Variants in RIC1 observed in about 807,000 individuals in gnomAD.
RIC1 encodes the protein guanine nucleotide exchange factor subunit RIC1.
In RIC1, 88 loss-of-function variants were observed where a neutral mutation model predicts 169.0. The ratio of observed to expected loss-of-function variants is 0.52; its 90% CI spans 0.44 to 0.62. The LOEUF (loss-of-function observed/expected upper bound fraction) is 0.62. RIC1 is among the 20% of genes least tolerant of loss of function. RIC1 has a pLI of 0.00. For synonymous variants in RIC1, 790 were observed against 601.5 expected (o/e 1.31, Z -4.59); for missense variants, 1,877 against 1,725.5 (o/e 1.09, Z -1.56).
chr9:5,742,963 A>G lies in RIC1; in HGVS notation c.996A>G (p.Leu332=). ...CCTGGGAATACGGAGGCCTTTCTTT[A>G]TGGAGTGTTTTTGGAGCACAGCTGA... ...IVTWEYGGLS[L]WSVFGAQLIC... is the part of the protein sequence containing the mutation. Residue 332 remains leucine (L), a synonymous_variant, in exon 9 of 26, where the codon TTA becomes TTG. Coordinates refer to ENST00000414202, the MANE Select transcript of RIC1 (RefSeq NM_020829.4). 1.2e-5 allele frequency: 19 copies of G among 1,613,510 alleles called. No homozygotes were observed. Among genetic ancestry groups the G allele is most frequent in the Non-Finnish European group, 1.4e-5 (16 of 1,179,652 alleles).
At chr9:5,664,887 A>G (rs1819659586) in intron 2 of RIC1, among the ~76,000 whole-genome samples, 1 of 152,066 alleles carries the variant, frequency 6.6e-6, no homozygotes, top group Non-Finnish European at 1.5e-5. Context: ...TCTTTTCTCC[A>G]CTTGGTCTAT....
At chr9:5,661,803 C>G (rs1451898886) in intron 2 of RIC1, among the ~76,000 whole-genome samples, 2 of 152,136 alleles carry the variant, frequency 1.3e-5, no homozygotes, top group Non-Finnish European at 2.9e-5. Context: ...TTCTCTCTTC[C>G]TATTTGAATA....
At chr9:5,767,442 C>G (rs540546805) in intron 21 of RIC1, among the ~76,000 whole-genome samples, 1 of 151,274 alleles carries the variant, frequency 6.6e-6, no homozygotes, top group Non-Finnish European at 1.5e-5. Context: ...TCATTTTTTT[C>G]CTTACCTAAT....
At chr9:5,680,160 T>A (rs1820729378) in intron 2 of RIC1, among the ~76,000 whole-genome samples, 1 of 152,254 alleles carries the variant, frequency 6.6e-6, no homozygotes, top group African/African-American at 2.4e-5. Flanking sequence ...TTTTCGTATG[T>A]TGAACCAGCC....
chr9:5,661,367 G>T (rs1351028587), intron 2 of RIC1, among the ~76,000 whole-genome samples: 1 of 152,150 alleles, frequency 6.6e-6, no homozygotes, highest in African/African-American at 2.4e-5. Context: ...CTAATTCCGT[G>T]AAGAATGTCA....
intron 6 of RIC1, among the ~76,000 whole-genome samples, chr9:5,729,779 G>T (rs1199775345): frequency 1.3e-5 from 2 of 151,804 alleles, no homozygotes; most frequent in Non-Finnish European, 2.9e-5. Flanking sequence ...ACTAAATAAT[G>T]TATTTGTGAT....
chr9:5,689,830 C>G (rs376950812), intron 2 of RIC1, 129 bp from the exon 3 acceptor site: 8 of 595,430 alleles, frequency 1.3e-5, no homozygotes, highest in Non-Finnish European at 2.0e-5. Context: ...CATAATTAGG[C>G]TATAATTCTC....
chr9:5,772,549 G>C lies in RIC1; in HGVS notation c.3617-15G>C. 6.4e-7 allele frequency: 1 copy of C among 1,553,162 alleles called. No individual in the cohort carries two copies. The highest frequency in any genetic ancestry group is 1.2e-5 in the South Asian group (1 of 81,470). ...TCCACGAAGTTGGTTGTAACTTTTG[G>C]CAATTCTTCATCAGGTGATGAATGC... On this transcript the variant is annotated splice_polypyrimidine_tract_variant and intron_variant, in intron 23 of 25. Coordinates refer to ENST00000414202, the MANE Select transcript of RIC1 (RefSeq NM_020829.4).
At chr9:5,681,715 T>G (rs938784292) in intron 2 of RIC1, among the ~76,000 whole-genome samples, 7 of 152,172 alleles carry the variant, frequency 4.6e-5, no homozygotes, top group African/African-American at 1.7e-4. Context: ...TTTCTGTCTC[T>G]TTGATCTGTC....
At chr9:5,672,759 T>A (rs1312267612) in intron 2 of RIC1, among the ~76,000 whole-genome samples, 1 of 151,990 alleles carries the variant, frequency 6.6e-6, no homozygotes, top group South Asian at 2.1e-4. Flanking sequence ...AAAAGTTTAA[T>A]GAAAAAACGT....
At chr9:5,652,694 C>CTT (rs530994997) in intron 1 of RIC1, among the ~76,000 whole-genome samples, 4 of 149,012 alleles carry the variant, frequency 2.7e-5, no homozygotes, top group African/African-American at 9.8e-5. Context: ...ACTTTTTATT[C>CTT]TTTTTTTTTT....
rs114259244 is a variant in RIC1 at position 5,691,133 on chromosome 9, A to G, written c.332+1095A>G. Among the ~76,000 whole-genome samples the G allele has an allele frequency of 6.8e-3, 1,031 of 152,118 alleles. 13 individuals carry two copies. The highest frequency in any genetic ancestry group is 0.015 in the African/African-American group (621 of 41,568). On this transcript the variant is annotated intron_variant, in intron 3 of 25. Coordinates refer to ENST00000414202, the MANE Select transcript of RIC1 (RefSeq NM_020829.4). The stretch of plus-strand genomic sequence containing the variant: ...TGGTACATCCTTCTCTTATAGTGAT[A>G]TGTAGTCATTATGTCTCAGAAAAAT...
intron 1 of RIC1, among the ~76,000 whole-genome samples, chr9:5,655,956 G>A (rs1819072118): frequency 6.6e-6 from 1 of 151,754 alleles, no homozygotes; most frequent in Non-Finnish European, 1.5e-5. Flanking sequence ...TGCAAGCTCT[G>A]CCTCCCAGGT....
At chr9:5,771,794 G>A (rs187836768) in intron 23 of RIC1, among the ~76,000 whole-genome samples, 1 of 152,214 alleles carries the variant, frequency 6.6e-6, no homozygotes, top group African/African-American at 2.4e-5. Flanking sequence ...TAATAATATA[G>A]TGGGTTCTCC....
At chr9:5,766,230 C>T (rs1474638147) in intron 21 of RIC1, among the ~76,000 whole-genome samples, 3 of 152,096 alleles carry the variant, frequency 2.0e-5, no homozygotes, top group South Asian at 2.1e-4. Flanking sequence ...TTAGTAGAGA[C>T]GGGGTTTCAA....
intron 12 of RIC1, among the ~76,000 whole-genome samples, chr9:5,752,698 A>G (rs1380968269): frequency 6.6e-6 from 1 of 152,178 alleles, no homozygotes; most frequent in Admixed American, 6.5e-5. Context: ...GGCCTCCCAA[A>G]GTGCTGGGAT....
At chr9:5,674,241 T>C (rs1820300272) in intron 2 of RIC1, among the ~76,000 whole-genome samples, 1 of 152,130 alleles carries the variant, frequency 6.6e-6, no homozygotes, top group East Asian at 1.9e-4. Flanking sequence ...TCATTGAACA[T>C]GGAGAAATTT....
chr9:5,765,413 G>A lies in RIC1; in HGVS notation c.2842-1G>A. On this transcript the variant is annotated splice_acceptor_variant, in intron 19 of 25. Coordinates refer to ENST00000414202, the MANE Select transcript of RIC1 (RefSeq NM_020829.4). LOFTEE classifies it high-confidence loss of function. ...AATGCTGTCCTGGTTGTTTTTTGTA[G>A]AATATGGAAGTCCCTGCAGTAAGTA... The A allele has an allele frequency of 6.2e-7, 1 of 1,609,166 alleles. No homozygotes were observed. Among genetic ancestry groups the A allele is most frequent in the Non-Finnish European group, 8.5e-7 (1 of 1,178,432 alleles).
Position 5,746,078 on chromosome 9 carries a change from T to A in RIC1, c.1243T>A (p.Cys415Ser). Reference protein sequence around the residue: ...FIKSVLTVNPCMSNQEQVLLQ... With the variant: ...FIKSVLTVNPSMSNQEQVLLQ... ...TAAGAGTGTACTCACTGTAAACCCT[T>A]GTATGGTAAGTATATTTAAAGCTCT... Residue 415 changes from cysteine to serine, a missense_variant, in exon 11 of 26, where the codon TGT becomes AGT. Physicochemically the swap from Cys to Ser is moderately radical, Grantham distance 112 (BLOSUM62 -1). Transcript: ENST00000414202. The A allele has an allele frequency of 6.2e-7, 1 of 1,608,998 alleles. No homozygotes were observed. The highest frequency in any genetic ancestry group is 1.1e-5 in the South Asian group (1 of 90,344).
Sources: gnomAD v4.1 joint callset for allele counts (sites outside exome capture counted in the v4.1 genomes callset) on GRCh38, gnomAD v4.1.1 for gene constraint, MANE v1.5 for transcripts, NCBI Gene and HGNC (gene_info 2026-07-23, HGNC 2026-07-21) for gene names.